The following DNAH6 variants were observed in gnomAD, a reference collection of about 807,000 sequenced individuals.
DNAH6 encodes dynein axonemal heavy chain 6, also known as axonemal beta dynein heavy chain 6.
In DNAH6, 340 loss-of-function variants were observed where a neutral mutation model predicts 491.4. The observed-to-expected ratio is 0.69, with a 90% CI of 0.63 to 0.76. The LOEUF (loss-of-function observed/expected upper bound fraction) is 0.76. Ranked by LOEUF, DNAH6 falls within the 30% of genes least tolerant of loss-of-function variation. The probability of loss-of-function intolerance (pLI) is 0.00; values close to 1 mark genes in which losing one functional copy is unlikely to be tolerated. For missense variants in DNAH6, 4,443 were observed against 4,972.2 expected, an observed-to-expected ratio of 0.89 and a Z score of 3.20; for synonymous variants, 1,603 against 1,686.1, an observed-to-expected ratio of 0.95 and a Z score of 1.21.
chr2:84,525,970 T>C (rs12618403), intron 3 of DNAH6, among the ~76,000 whole-genome samples: 146,843 of 152,252 alleles, frequency 0.96, 70,861 homozygotes, highest in East Asian at 1. Flanking sequence ...CCTTCTTTTG[T>C]ATGATAAAGA....
intron 49 of DNAH6, among the ~76,000 whole-genome samples, chr2:84,701,987 A>G (rs1695951963): frequency 6.6e-6 from 1 of 152,176 alleles, no homozygotes; most frequent in Non-Finnish European, 1.5e-5. Flanking sequence ...TTATGCAAGT[A>G]TCCTTGACTC....
At chr2:84,802,531 T>G (rs1461916962) in intron 70 of DNAH6, among the ~76,000 whole-genome samples, 1 of 152,072 alleles carries the variant, frequency 6.6e-6, no homozygotes, top group Non-Finnish European at 1.5e-5. Flanking sequence ...GCTCCCAACA[T>G]TGGAGCACTC....
At chr2:84,530,854 G>T (rs901100672) in intron 4 of DNAH6, among the ~76,000 whole-genome samples, 1 of 152,128 alleles carries the variant, frequency 6.6e-6, no homozygotes, top group Non-Finnish European at 1.5e-5. Context: ...AGCAAGAGGG[G>T]TAGAGTTGCT....
chr2:84,675,069 C>T (rs1364925513), intron 40 of DNAH6, among the ~76,000 whole-genome samples: 1 of 152,202 alleles, frequency 6.6e-6, no homozygotes, highest in Non-Finnish European at 1.5e-5. Flanking sequence ...CTTCCTACTC[C>T]TTCAAGGCCC....
chr2:84,529,233 AT>A, intron 4 of DNAH6, 67 bp downstream of exon 4: 1 of 1,154,616 alleles, frequency 8.7e-7, no homozygotes, highest in Admixed American at 2.7e-5. Context: ...ATTATTTATA[AT>A]TGATTGGATA....
chr2:84,813,943 C>A, intron 74 of DNAH6, 28 bp from the exon 75 acceptor site: 1 of 1,550,496 alleles, frequency 6.4e-7, no homozygotes, highest in South Asian at 1.2e-5. Flanking sequence ...GTTGTTTGAA[C>A]GCAGCTTTCC....
intron 26 of DNAH6, 117 bp downstream of exon 26, chr2:84,621,668 T>G (rs1687408312): frequency 1.7e-6 from 1 of 581,584 alleles, no homozygotes; most frequent in East Asian, 2.8e-5. Flanking sequence ...CTCTGACATT[T>G]GTAATAGCTC....
chr2:84,753,841 T>C (rs2105088261), intron 63 of DNAH6, among the ~76,000 whole-genome samples: 1 of 151,398 alleles, frequency 6.6e-6, no homozygotes, highest in Non-Finnish European at 1.5e-5. Flanking sequence ...TTTTTTTTTT[T>C]TTGAGACATA....
the DNAH6 span, among the ~76,000 whole-genome samples, chr2:84,488,505 T>C: frequency 2.6e-5 from 4 of 152,318 alleles, no homozygotes; most frequent in East Asian, 3.9e-4. Context: ...GGAGTGAATC[T>C]TTATTTTTTC....
chr2:84,707,639 A>C lies in DNAH6; in HGVS notation c.8971A>C (p.Asn2991His). The C allele has an allele frequency of 6.4e-7, 1 of 1,552,352 alleles. No individual in the cohort carries two copies. Among genetic ancestry groups the C allele is most frequent in the Non-Finnish European group, 8.7e-7 (1 of 1,147,134 alleles). The change falls in exon 54 of 77, where the codon AAT becomes CAT. Residue 2991 changes from asparagine to histidine, a missense_variant. Physicochemically the swap from Asn to His is moderately conservative, Grantham distance 68. Around this residue, in one of 3 missense-constraint regions of DNAH6, gnomAD observed 1,463 missense variants for 1,656.6 expected, o/e 0.88. Transcript: ENST00000389394. ...ACAGAAGTTTGAGGAAGAAATATCAAATATCACTGGGAACGTGTTCATAGC... is the reference window on the plus strand; with the variant it reads ...ACAGAAGTTTGAGGAAGAAATATCACATATCACTGGGAACGTGTTCATAGC... ...SIQKFEEEIS[N>H]ITGNVFIAAA...
rs544948847 is a variant in DNAH6, at chr2:84,560,608, G to A, written c.1803+2673G>A. On this transcript the variant is annotated intron_variant, in intron 11 of 76. Transcript: ENST00000389394. Reference sequence around the variant, plus strand: ...ATATCTCCTAATGCTATCCCTCCCCGCTTCCCCCACCCCACAACAGTCCCC... The same window carrying A: ...ATATCTCCTAATGCTATCCCTCCCCACTTCCCCCACCCCACAACAGTCCCC... 1.1e-4 allele frequency among the ~76,000 whole-genome samples: 16 copies of A among 149,668 alleles called. No individual in the cohort carries two copies. In the South Asian group the frequency reaches 1.5e-3, roughly 14 times the overall value.
chr2:84,488,729 G>A, the DNAH6 span, among the ~76,000 whole-genome samples: 1,718 of 152,194 alleles, frequency 0.011, 31 homozygotes, highest in African/African-American at 0.039. Flanking sequence ...AATCACATCT[G>A]GAAAGTCCCT....
chr2:84,470,355 G>C, the DNAH6 span, among the ~76,000 whole-genome samples: 1 of 152,204 alleles, frequency 6.6e-6, no homozygotes, highest in Non-Finnish European at 1.5e-5. Flanking sequence ...AGTTTATTAA[G>C]AAAGTAAAGG....
chr2:84,688,036 A>T (rs1694452374), intron 44 of DNAH6, among the ~76,000 whole-genome samples: 1 of 152,104 alleles, frequency 6.6e-6, no homozygotes, highest in African/African-American at 2.4e-5. Context: ...GGAGCTCGAG[A>T]TCAGCCTGGC....
chr2:84,640,664 A>T, intron 32 of DNAH6, 86 bp downstream of exon 32: 1 of 1,290,342 alleles, frequency 7.7e-7, no homozygotes, highest in Non-Finnish European at 1.1e-6. Flanking sequence ...GCTCTCAGAG[A>T]GTAACTGATT....
At chr2:84,579,773 G>A in intron 14 of DNAH6, 94 bp downstream of exon 14, 1 of 1,077,288 alleles carries the variant, frequency 9.3e-7, no homozygotes, top group Non-Finnish European at 1.3e-6. Flanking sequence ...AGGGGCAAAA[G>A]ACAGCTGTCA....
rs2103947596 is a variant in DNAH6 at position 84,573,495 on chromosome 2, C to T, written c.1832C>T (p.Ala611Val). 1 of 1,590,070 alleles carries T rather than the reference C, an allele frequency of 6.3e-7. No individual in the cohort carries two copies. Among genetic ancestry groups the T allele is most frequent in the Non-Finnish European group, 8.5e-7 (1 of 1,172,454 alleles). Residue 611 changes from alanine (A) to valine (V), a missense_variant, in exon 12 of 77, where the codon GCC becomes GTC. Ala to Val is a moderately conservative substitution (Grantham distance 64, BLOSUM62 0). This residue lies in a region of DNAH6 where 2,977 missense variants were observed against 3,296.6 expected (regional missense o/e 0.90). Transcript: ENST00000389394. ...KETIQAAFES[A>V]RIYAATFEKF... ...ACCATTCAGGCCGCATTTGAATCAG[C>T]CCGCATCTATGCAGCTACCTTTGAA... is the stretch of plus-strand genomic sequence containing the variant.
chr2:84,483,348 T>C, the DNAH6 span, among the ~76,000 whole-genome samples: 3 of 152,194 alleles, frequency 2.0e-5, no homozygotes, highest in Admixed American at 2.0e-4. Context: ...GACCAGTAGC[T>C]CTCAGGATTT....
chr2:84,797,630 T>G lies in DNAH6; in HGVS notation c.11453T>G (p.Met3818Arg). 2.6e-6 allele frequency: 4 copies of G among 1,551,408 alleles called. No homozygotes were observed. The highest frequency in any genetic ancestry group is 3.5e-6 in the Non-Finnish European group (4 of 1,146,714). ...PLIDDPEIFG[M>R]HENANLVFQY... ...ATCGATGACCCAGAAATTTTTGGAA[T>G]GCATGAAAATGCTAATCTAGTCTTC... The change falls in exon 70 of 77, where the codon ATG (methionine) becomes AGG (arginine). Residue 3818 changes from methionine (M) to arginine (R), a missense_variant. Met to Arg is a moderately conservative substitution (Grantham distance 91). Coordinates refer to ENST00000389394, the MANE Select transcript of DNAH6 (RefSeq NM_001370.2).
Sources: gnomAD v4.1 joint callset for allele counts (sites outside exome capture counted in the v4.1 genomes callset) on GRCh38, gnomAD v4.1.1 for gene constraint, gnomAD v4.1.1 regional missense constraint, MANE v1.5 for transcripts, NCBI Gene and HGNC (gene_info 2026-07-23, HGNC 2026-07-21) for gene names.